The following PALLD variants were observed in gnomAD, a reference collection of about 807,000 sequenced individuals.
PALLD encodes palladin, cytoskeletal associated protein.
In PALLD, 61 loss-of-function variants were observed where a neutral mutation model predicts 123.5. That is an observed-to-expected ratio of 0.49 (90% CI 0.40 to 0.61). The LOEUF (loss-of-function observed/expected upper bound fraction) is 0.61, where lower values mean the gene tolerates loss of function less well. Ranked by LOEUF, PALLD falls within the 20% of genes least tolerant of loss-of-function variation. The pLI is 0.00. For missense variants in PALLD, 1,273 were observed against 1,377.0 expected (o/e 0.92, Z 1.20); for synonymous variants, 465 against 496.4 (o/e 0.94, Z 0.84).
At chr4:168,658,287 T>TTTG (rs1554058163) in intron 2 of PALLD, among the ~76,000 whole-genome samples, 1 of 144,422 alleles carries the variant, frequency 6.9e-6, no homozygotes, top group Non-Finnish European at 1.5e-5. Context: ...TTTATTTGGT[T>TTTG]TTTTTTTTTT....
At chr4:168,672,192 A>C (rs551924610) in intron 3 of PALLD, among the ~76,000 whole-genome samples, 1 of 152,322 alleles carries the variant, frequency 6.6e-6, no homozygotes, top group Non-Finnish European at 1.5e-5. Flanking sequence ...TAGTGATCAG[A>C]TCAGGGTAAT....
chr4:168,594,033 G>T (rs538339576), intron 2 of PALLD, among the ~76,000 whole-genome samples: 31 of 152,142 alleles, frequency 2.0e-4, no homozygotes, highest in Middle Eastern at 3.4e-3. Flanking sequence ...CTTGGTTTTC[G>T]GTGTAGCATT....
chr4:168,682,971 C>A, intron 4 of PALLD, 27 bp from the exon 5 acceptor site: 1 of 1,309,512 alleles, frequency 7.6e-7, no homozygotes, highest in South Asian at 1.2e-5. Context: ...AATATTCTGA[C>A]TAAACACTCA....
chr4:168,771,314 A>ATTAAATAT (rs1734407453), intron 10 of PALLD, among the ~76,000 whole-genome samples: 1 of 152,208 alleles, frequency 6.6e-6, no homozygotes, highest in Non-Finnish European at 1.5e-5. Context: ...AGCATGACAT[A>ATTAAATAT]TTAAATATTA....
At chr4:168,725,824 C>G (rs1478062211) in intron 10 of PALLD, among the ~76,000 whole-genome samples, 2 of 152,086 alleles carry the variant, frequency 1.3e-5, no homozygotes, top group Non-Finnish European at 2.9e-5. Context: ...CCACACCCAG[C>G]CTGTTCTCTT....
In PALLD at chr4:168,770,181, C is replaced by T. The variant is rs888396092; in HGVS notation, c.1964+58258C>T. 5.3e-5 allele frequency among the ~76,000 whole-genome samples: 8 copies of T among 152,168 alleles called. No individual in the cohort carries two copies. The South Asian group carries it at 6.2e-4, about 12-fold the overall frequency. ...TCACTAGCAACATCTACTCTGGAAA[C>T]GGTTGTCTAAGGTTATGCCCTTTCT... On this transcript the variant is annotated intron_variant, in intron 10 of 21. Transcript: ENST00000505667.
chr4:168,887,535 G>A (rs147309858), intron 10 of PALLD, among the ~76,000 whole-genome samples: 101 of 152,308 alleles, frequency 6.6e-4, no homozygotes, highest in African/African-American at 2.3e-3. Context: ...GTCATTGAAG[G>A]CTGCTCATCA....
chr4:168,602,092 G>GA (rs1339591197), intron 2 of PALLD, among the ~76,000 whole-genome samples: 2 of 152,202 alleles, frequency 1.3e-5, no homozygotes, highest in African/African-American at 2.4e-5. Context: ...GTTTGAGTCA[G>GA]ACAGTTGGTC....
intron 10 of PALLD, among the ~76,000 whole-genome samples, chr4:168,889,144 G>GTGTGTGTGTGTA (rs1430440632): frequency 4.5e-4 from 65 of 145,920 alleles, no homozygotes; most frequent in African/African-American, 1.5e-3. Context: ...TATTTTGTGT[G>GTGTGTGTGTGTA]TGTGTGTGTG....
intron 2 of PALLD, among the ~76,000 whole-genome samples, chr4:168,621,129 A>G (rs1462771615): frequency 6.6e-6 from 1 of 152,258 alleles, no homozygotes; most frequent in Non-Finnish European, 1.5e-5. Context: ...TCAAATGACT[A>G]TAAGTTTGCT....
chr4:168,659,926 A>G (rs1388580963), intron 2 of PALLD, among the ~76,000 whole-genome samples: 1 of 152,250 alleles, frequency 6.6e-6, no homozygotes, highest in Non-Finnish European at 1.5e-5. Context: ...AAGCCAAGCA[A>G]TGCCATATGT....
At chr4:168,579,193 T>C (rs1769968862) in intron 2 of PALLD, among the ~76,000 whole-genome samples, 1 of 152,212 alleles carries the variant, frequency 6.6e-6, no homozygotes, top group Non-Finnish European at 1.5e-5. Flanking sequence ...CAATGGCTAA[T>C]AGTGCCATGT....
intron 3 of PALLD, among the ~76,000 whole-genome samples, chr4:168,670,128 C>T (rs1780042934): frequency 6.6e-6 from 1 of 152,150 alleles, no homozygotes; most frequent in Admixed American, 6.5e-5. Context: ...AAACAAACTT[C>T]CATAAAAATC....
intron 8 of PALLD, among the ~76,000 whole-genome samples, chr4:168,705,012 A>G (rs60329698): frequency 0.16 from 24,057 of 152,106 alleles, 2,603 homozygotes; most frequent in East Asian, 0.33. Flanking sequence ...TTAATTCTAT[A>G]TTATATTTCC....
chr4:168,839,406 G>A (rs954131980), intron 10 of PALLD, among the ~76,000 whole-genome samples: 8 of 152,108 alleles, frequency 5.3e-5, no homozygotes, highest in African/African-American at 1.2e-4. Flanking sequence ...TGTTGTGGGC[G>A]CTCTGTAGGT....
At chr4:168,508,051 T>C (rs891956562) in intron 1 of PALLD, among the ~76,000 whole-genome samples, 6 of 152,238 alleles carry the variant, frequency 3.9e-5, no homozygotes, top group African/African-American at 1.4e-4. Flanking sequence ...TTCTAGGTGC[T>C]ATCACAGCAC....
intron 10 of PALLD, among the ~76,000 whole-genome samples, chr4:168,841,939 T>C (rs137994700): frequency 1.3e-5 from 2 of 152,224 alleles, no homozygotes; most frequent in Admixed American, 6.5e-5. Flanking sequence ...TGGTTTATTA[T>C]GTGAAAAATA....
intron 1 of PALLD, among the ~76,000 whole-genome samples, chr4:168,509,561 T>TA (rs1762336812): frequency 6.6e-6 from 1 of 152,216 alleles, no homozygotes. Flanking sequence ...AGGATGTTTC[T>TA]ATCCTGCAGC....
In PALLD at chr4:168,741,037, G is replaced by A. The variant is rs569009509; in HGVS notation, c.1964+29114G>A. ...AGAAGTTTATTTAATAGAGAAGACTGTTAAGTGTAATACGGGCTTGATTAA... is the reference window on the plus strand; with the variant it reads ...AGAAGTTTATTTAATAGAGAAGACTATTAAGTGTAATACGGGCTTGATTAA... On this transcript the variant is annotated intron_variant, in intron 10 of 21. Coordinates refer to ENST00000505667, the MANE Select transcript of PALLD (RefSeq NM_001166108.2). Among the ~76,000 whole-genome samples, 5 of 152,356 alleles carry A rather than the reference G, an allele frequency of 3.3e-5. No homozygotes were observed. In the East Asian group the frequency reaches 9.7e-4, roughly 29 times the overall value.
Sources: gnomAD v4.1 joint callset for allele counts (sites outside exome capture counted in the v4.1 genomes callset) on GRCh38, gnomAD v4.1.1 for gene constraint, MANE v1.5 for transcripts, NCBI Gene and HGNC (gene_info 2026-07-23, HGNC 2026-07-21) for gene names.